DGKB: variants seen among roughly 807,000 people sequenced by gnomAD.
DGKB encodes diacylglycerol kinase beta, also known as 90 kDa diacylglycerol kinase.
Under a neutral mutation model 114.3 loss-of-function variants are expected in DGKB, and 67 were observed. The observed-to-expected ratio is 0.59, with a 90% CI of 0.48 to 0.72. DGKB has a LOEUF of 0.72. DGKB is among the 30% of genes least tolerant of loss of function. The pLI, the probability that DGKB is intolerant of heterozygous loss-of-function variation, is 0.00. For synonymous variants in DGKB, 398 were observed against 323.1 expected, an observed-to-expected ratio of 1.23 and a Z score of -2.49; for missense variants, 907 against 975.2, an observed-to-expected ratio of 0.93 and a Z score of 0.93.
At chr7:14,923,983 C>CAAAAAAAAAAA (rs56032330) in intron 1 of DGKB, among the ~76,000 whole-genome samples, 1,898 of 76,018 alleles carry the variant, frequency 0.025, 335 homozygotes, top group African/African-American at 0.11. Context: ...AGCTCCATCT[C>CAAAAAAAAAAA]AAAAAAAAAA....
chr7:14,424,920 T>C (rs1004953447), intron 21 of DGKB, among the ~76,000 whole-genome samples: 1 of 152,134 alleles, frequency 6.6e-6, no homozygotes, highest in South Asian at 2.1e-4. Flanking sequence ...CAGCCAAAGA[T>C]AGATAAGATG....
At chr7:14,740,348 A>G (rs574509671) in intron 4 of DGKB, among the ~76,000 whole-genome samples, 44 of 151,660 alleles carry the variant, frequency 2.9e-4, no homozygotes, top group Non-Finnish European at 5.3e-4. Flanking sequence ...TTTTGCACCA[A>G]CCTAGTAACA....
At chr7:14,242,487 G>A (rs555462635) in intron 23 of DGKB, among the ~76,000 whole-genome samples, 1 of 152,282 alleles carries the variant, frequency 6.6e-6, no homozygotes, top group Admixed American at 6.5e-5. Flanking sequence ...TGTCTGAGAA[G>A]GAGCGGAGAG....
intron 1 of DGKB, among the ~76,000 whole-genome samples, chr7:14,892,445 T>C (rs1182991261): frequency 1.3e-5 from 2 of 151,272 alleles, no homozygotes; most frequent in African/African-American, 4.8e-5. Flanking sequence ...TAGATGACAC[T>C]GAGGGGTAGA....
intron 1 of DGKB, among the ~76,000 whole-genome samples, chr7:14,935,417 AT>A (rs1201117431): frequency 2.6e-5 from 4 of 152,118 alleles, no homozygotes; most frequent in Admixed American, 6.6e-5. Context: ...CCATCAGACA[AT>A]TTTTGACAAA....
chr7:14,652,895 C>A (rs1282145869), intron 13 of DGKB, among the ~76,000 whole-genome samples: 5 of 152,028 alleles, frequency 3.3e-5, no homozygotes, highest in Admixed American at 6.6e-5. Context: ...CAAAAAAACA[C>A]ATGAAAAAAT....
intron 23 of DGKB, among the ~76,000 whole-genome samples, chr7:14,304,471 A>AT (rs74814074): frequency 0.21 from 32,635 of 151,982 alleles, 4,217 homozygotes; most frequent in Non-Finnish European, 0.28. Flanking sequence ...ATTCACTTAC[A>AT]TCTACTTTTC....
chr7:14,403,962 T>A (rs148337267), intron 21 of DGKB, among the ~76,000 whole-genome samples: 64 of 151,920 alleles, frequency 4.2e-4, no homozygotes, highest in African/African-American at 1.5e-3. Flanking sequence ...TTATTATAAT[T>A]CCTTAGGCAC....
rs560395006 is a variant in DGKB at position 14,400,729 on chromosome 7, TATC to T, written c.1836-55341_1836-55339del. On this transcript the variant is annotated intron_variant, in intron 21 of 25. Transcript: ENST00000402815. ...TGAAAAAAAAAATTCTGTCTAGACG[TATC>T]ATGTTTGTTTCTTGTGTGAGATGAA... is the stretch of plus-strand genomic sequence containing the variant. 1.1e-3 allele frequency among the ~76,000 whole-genome samples: 164 copies of T among 144,774 alleles called. 1 individual carries two copies. Among genetic ancestry groups the T allele is most frequent in the African/African-American group, 4.0e-3 (160 of 39,632 alleles). The allele number at this position is 144,774 out of a possible 152,430, so 95.0% of individuals were successfully genotyped here.
intron 2 of DGKB, chr7:14,816,692 C>G (rs1036205105): frequency 6.6e-6 from 1 of 151,978 alleles, no homozygotes; most frequent in Non-Finnish European, 1.5e-5. Context: ...AATGAGATGA[C>G]GAGAGCAAAG....
intron 1 of DGKB, among the ~76,000 whole-genome samples, chr7:14,919,095 A>ACACACACAAACACACAC (rs1554345122): frequency 8.7e-6 from 1 of 114,920 alleles, no homozygotes; most frequent in Non-Finnish European, 1.8e-5. Flanking sequence ...CACACACACA[A>ACACACACAAACACACAC]ACACACACAC....
At chr7:14,709,918 T>A (rs1377151911) in intron 6 of DGKB, among the ~76,000 whole-genome samples, 7 of 149,122 alleles carry the variant, frequency 4.7e-5, no homozygotes, top group Non-Finnish European at 7.4e-5. Flanking sequence ...TATACATATG[T>A]AACTAACCTG....
intron 1 of DGKB, among the ~76,000 whole-genome samples, chr7:14,894,696 T>C (rs1421364637): frequency 1.3e-5 from 2 of 151,498 alleles, no homozygotes; most frequent in African/African-American, 4.8e-5. Context: ...CACCATGCAG[T>C]TATGCAGGTA....
intron 23 of DGKB, among the ~76,000 whole-genome samples, chr7:14,265,318 C>CTTTTTTTT (rs781569705): frequency 0.059 from 3,994 of 67,414 alleles, 564 homozygotes; most frequent in East Asian, 0.13. Flanking sequence ...CTCTTGCATT[C>CTTTTTTTT]TTTTTTTTTT....
intron 1 of DGKB, among the ~76,000 whole-genome samples, chr7:14,897,382 G>T (rs1233785318): frequency 6.6e-6 from 1 of 151,816 alleles, no homozygotes; most frequent in African/African-American, 2.4e-5. Flanking sequence ...GTGAAGTCTT[G>T]AATGTCTGCT....
chr7:14,747,775 G>GCGCGCGTGCGCGCGCGCACA, intron 4 of DGKB, among the ~76,000 whole-genome samples: 1 of 149,178 alleles, frequency 6.7e-6, no homozygotes, highest in African/African-American at 2.5e-5. Context: ...ACATCCACGC[G>GCGCGCGTGCGCGCGCGCACA]CACGCACACA....
intron 1 of DGKB, among the ~76,000 whole-genome samples, chr7:14,919,294 G>A (rs1299788966): frequency 6.6e-6 from 1 of 152,056 alleles, no homozygotes; most frequent in Non-Finnish European, 1.5e-5. Context: ...GAATACAACA[G>A]AGAGCCAAGA....
intron 2 of DGKB, 36 bp downstream of exon 2, chr7:14,841,158 G>C (rs140115647): frequency 6.5e-7 from 1 of 1,532,818 alleles, no homozygotes; most frequent in Non-Finnish European, 9.0e-7. Flanking sequence ...TAGCACAAAT[G>C]TCAAATAATC....
intron 2 of DGKB, among the ~76,000 whole-genome samples, chr7:14,778,860 C>A (rs772896482): frequency 1.8e-4 from 27 of 152,000 alleles, no homozygotes; most frequent in Non-Finnish European, 3.4e-4. Context: ...TTAAATTAAT[C>A]AAAATAAATT....
Sources: gnomAD v4.1 joint callset for allele counts (sites outside exome capture counted in the v4.1 genomes callset) on GRCh38, gnomAD v4.1.1 for gene constraint, MANE v1.5 for transcripts, NCBI Gene and HGNC (gene_info 2026-07-23, HGNC 2026-07-21) for gene names.